Variants in TCF4 observed in about 807,000 individuals in gnomAD.
The protein encoded by TCF4 is transcription factor 4, also known as SL3-3 enhancer factor 2.
A neutral mutation model predicts 82.1 loss-of-function variants in TCF4; 3 were observed. That is an observed-to-expected ratio of 0.04 (90% CI 0.02 to 0.09). TCF4 has a LOEUF of 0.09. Among genes scored for constraint, TCF4 ranks in the 10% least tolerant of loss-of-function variants. The probability of loss-of-function intolerance (pLI) is 1.00; values close to 1 mark genes in which losing one functional copy is unlikely to be tolerated. For synonymous variants in TCF4, 276 were observed against 309.6 expected, an observed-to-expected ratio of 0.89 and a Z score of 1.14; for missense variants, 518 against 852.7, an observed-to-expected ratio of 0.61 and a Z score of 4.89.
intron 2 of TCF4, among the ~76,000 whole-genome samples, chr18:55,612,338 G>A (rs2147965593): frequency 6.6e-6 from 1 of 152,212 alleles, no homozygotes; most frequent in Non-Finnish European, 1.5e-5. Context: ...AATGCTTGAG[G>A]ACCAACGTAA....
chr18:55,631,358 T>C (rs555823500), exon 2 of TCF4: 7 of 1,548,446 alleles, frequency 4.5e-6, no homozygotes, highest in Non-Finnish European at 5.2e-6. Context: ...CAAGAGATAA[T>C]GTTCTTAGAT....
In TCF4 at chr18:55,345,442, TTG is replaced by T. The variant is rs2080975754; in HGVS notation, c.549+4915_549+4916del. Among the ~76,000 whole-genome samples the T allele has an allele frequency of 3.9e-5, 6 of 152,184 alleles. No homozygotes were observed. The South Asian group carries it at 1.2e-3, about 31-fold the overall frequency. On this transcript the variant is annotated intron_variant, in intron 8 of 19. Coordinates refer to ENST00000354452, the MANE Select transcript of TCF4 (RefSeq NM_001083962.2). ...TGTCATGTTATATATGCCGTGTAAA[TTG>T]TGTGAATAGTTTTGTCCTATTTGAG... is the stretch of plus-strand genomic sequence containing the variant.
intron 8 of TCF4, among the ~76,000 whole-genome samples, chr18:55,284,859 C>G (rs752921747): frequency 8.5e-5 from 13 of 152,188 alleles, no homozygotes; most frequent in Non-Finnish European, 1.6e-4. Flanking sequence ...GACAGTTAAA[C>G]ACTCAAATGC....
intron 6 of TCF4, among the ~76,000 whole-genome samples, chr18:55,362,894 A>C (rs1311917025): frequency 6.6e-6 from 1 of 152,212 alleles, no homozygotes; most frequent in Non-Finnish European, 1.5e-5. Flanking sequence ...AAAATCATGA[A>C]AGGATTCAGC....
intron 15 of TCF4, among the ~76,000 whole-genome samples, chr18:55,245,217 G>A (rs1393339442): frequency 6.6e-6 from 1 of 151,908 alleles, no homozygotes; most frequent in African/African-American, 2.4e-5. Context: ...TTCAACTTCT[G>A]TTTTCTAAGC....
intron 8 of TCF4, among the ~76,000 whole-genome samples, chr18:55,330,176 A>ATTTTTTTTTTTT (rs3077897): frequency 9.1e-6 from 1 of 110,478 alleles, no homozygotes; most frequent in Non-Finnish European, 1.8e-5. Context: ...GCAATGTTGG[A>ATTTTTTTTTTTT]TTTTTTTTTT....
At chr18:55,622,150 T>TACACACAC (rs10654991) in intron 2 of TCF4, among the ~76,000 whole-genome samples, 62 of 139,546 alleles carry the variant, frequency 4.4e-4, no homozygotes, top group African/African-American at 1.5e-3. Context: ...CCTTCAAGAT[T>TACACACAC]ACACACACAC....
At chr18:55,621,622 A>ATAATATATATAT in intron 2 of TCF4, among the ~76,000 whole-genome samples, 1 of 88,074 alleles carries the variant, frequency 1.1e-5, no homozygotes, top group African/African-American at 4.6e-5. Context: ...ATAATATTAT[A>ATAATATATATAT]TATAATATAT....
At chr18:55,353,360 A>G (rs1365046124) in intron 6 of TCF4, among the ~76,000 whole-genome samples, 1 of 152,230 alleles carries the variant, frequency 6.6e-6, no homozygotes, top group East Asian at 1.9e-4. Context: ...TGCAGGCGCA[A>G]GGACTATGTG....
chr18:55,271,387 C>A (rs186315458), intron 10 of TCF4, among the ~76,000 whole-genome samples: 4 of 152,078 alleles, frequency 2.6e-5, no homozygotes, highest in African/African-American at 9.7e-5. Flanking sequence ...TTATACTATA[C>A]GCTCAATGAA....
intron 3 of TCF4, among the ~76,000 whole-genome samples, chr18:55,507,169 T>C (rs1475736264): frequency 6.6e-6 from 1 of 152,120 alleles, no homozygotes; most frequent in African/African-American, 2.4e-5. Context: ...GGCCTTTTCT[T>C]AAGTGGGGAA....
intron 10 of TCF4, among the ~76,000 whole-genome samples, chr18:55,272,759 G>A (rs1015837970): frequency 5.3e-5 from 8 of 151,932 alleles, no homozygotes; most frequent in African/African-American, 1.9e-4. Flanking sequence ...TAGCCTCTAC[G>A]CACTGGATTC....
At chr18:55,488,380 G>A (rs1261988619) in intron 3 of TCF4, among the ~76,000 whole-genome samples, 1 of 152,118 alleles carries the variant, frequency 6.6e-6, no homozygotes, top group African/African-American at 2.4e-5. Context: ...ACATAAACAG[G>A]AGTGAAATTG....
chr18:55,254,781 A>G, intron 14 of TCF4, 81 bp from the exon 15 acceptor site: 1 of 1,231,228 alleles, frequency 8.1e-7, no homozygotes, highest in East Asian at 2.5e-5. Context: ...TTAGTCGACA[A>G]AAAACACACT....
chr18:55,528,950 C>A (rs752970678), intron 3 of TCF4, among the ~76,000 whole-genome samples: 58 of 152,194 alleles, frequency 3.8e-4, no homozygotes, highest in Non-Finnish European at 7.6e-4. Context: ...GGCCAAGGTG[C>A]GTGGGTCACC....
intron 2 of TCF4, among the ~76,000 whole-genome samples, chr18:55,617,144 A>G (rs1260160254): frequency 6.6e-6 from 1 of 152,078 alleles, no homozygotes. Context: ...GTCCAATGTC[A>G]TTCTTTTGTG....
intron 3 of TCF4, among the ~76,000 whole-genome samples, chr18:55,493,080 G>A (rs1164122818): frequency 6.6e-6 from 1 of 152,140 alleles, no homozygotes; most frequent in Admixed American, 6.5e-5. Context: ...AAATACTCGG[G>A]TAGAGGACCT....
chr18:55,425,889 C>T (rs1193434545), intron 5 of TCF4, among the ~76,000 whole-genome samples: 3 of 152,258 alleles, frequency 2.0e-5, no homozygotes, highest in Middle Eastern at 3.4e-3. Flanking sequence ...GTGGCTCAAT[C>T]GCTCTGCTCA....
chr18:55,430,341 A>G (rs963167994), intron 5 of TCF4, among the ~76,000 whole-genome samples: 2 of 152,176 alleles, frequency 1.3e-5, no homozygotes, highest in African/African-American at 4.8e-5. Context: ...AAGGCTGTTC[A>G]CCTTTTAGCT....
Sources: allele counts gnomAD v4.1 joint callset (sites outside exome capture counted in the v4.1 genomes callset), GRCh38; gene constraint gnomAD v4.1.1; transcripts MANE v1.5; gene names NCBI Gene and HGNC (gene_info 2026-07-23, HGNC 2026-07-21).